The following BBS12 variants were observed in gnomAD, a reference collection of about 807,000 sequenced individuals.
The protein encoded by BBS12 is Bardet-Biedl syndrome 12.
A neutral mutation model predicts 5.6 loss-of-function variants in BBS12; 5 were observed. That is an observed-to-expected ratio of 0.89 (90% CI 0.46 to 1.86). BBS12 has a LOEUF of 1.86. Among genes scored for constraint, BBS12 ranks in the 40% most tolerant of loss-of-function variants. The pLI is 0.01. For synonymous variants in BBS12, 308 were observed against 306.8 expected, an observed-to-expected ratio of 1.00 and a Z score of -0.04; for missense variants, 748 against 830.4, an observed-to-expected ratio of 0.90 and a Z score of 1.22.
At chr4:122,719,989 A>G in the BBS12 span, among the ~76,000 whole-genome samples, 10 of 152,208 alleles carry the variant, frequency 6.6e-5, no homozygotes, top group South Asian at 2.1e-4. Flanking sequence ...AGAAAACTTA[A>G]TCTTCTTTGG....
At chr4:122,706,563 C>T in the BBS12 span, among the ~76,000 whole-genome samples, 1 of 152,016 alleles carries the variant, frequency 6.6e-6, no homozygotes. Flanking sequence ...TGGCAAGACC[C>T]CATCTCAGAA....
chr4:122,728,449 T>C (rs1035430351), upstream of BBS12: 1 of 152,250 alleles, frequency 6.6e-6, no homozygotes, highest in African/African-American at 2.4e-5. Context: ...TGTATACATA[T>C]GTATATGAAT....
In BBS12 at chr4:122,735,570, G is replaced by A. The variant is rs375723087; in HGVS notation, c.-11+2686G>A. ...AAATAGGAATCAAGTCAACTCCAAG[G>A]ATGGTTAAAACTTATATTCATGTTG... On this transcript the variant is annotated intron_variant, in intron 1 of 1. Transcript: ENST00000314218. Among the ~76,000 whole-genome samples the A allele has an allele frequency of 1.1e-4, 16 of 152,158 alleles. No homozygotes were observed. In the East Asian group the frequency reaches 1.7e-3, roughly 16 times the overall value.
At chr4:122,716,544 T>TAA in the BBS12 span, among the ~76,000 whole-genome samples, 1 of 147,684 alleles carries the variant, frequency 6.8e-6, no homozygotes, top group South Asian at 2.1e-4. Flanking sequence ...TATACATATG[T>TAA]GTATATATAC....
At chr4:122,703,659 T>G in the BBS12 span, among the ~76,000 whole-genome samples, 1 of 152,168 alleles carries the variant, frequency 6.6e-6, no homozygotes, top group East Asian at 1.9e-4. Context: ...CTGTTGGGCA[T>G]CCACTACCCA....
At chr4:122,701,156 TGAAAAC>T in the BBS12 span, among the ~76,000 whole-genome samples, 1 of 152,234 alleles carries the variant, frequency 6.6e-6, no homozygotes, top group Non-Finnish European at 1.5e-5. Context: ...TGGTAAAACA[TGAAAAC>T]AATCACATTT....
At chr4:122,727,544 A>ATT in the BBS12 span, among the ~76,000 whole-genome samples, 262 of 82,262 alleles carry the variant, frequency 3.2e-3, 11 homozygotes, top group Non-Finnish European at 4.0e-3. Context: ...CCCCTGGCCA[A>ATT]TTTTTTTTTT....
At chr4:122,740,942 G>A (rs1197651526) in intron 1 of BBS12, among the ~76,000 whole-genome samples, 1 of 152,138 alleles carries the variant, frequency 6.6e-6, no homozygotes, top group Non-Finnish European at 1.5e-5. Flanking sequence ...ATAACTTGCT[G>A]AGGGCTATAT....
At chr4:122,716,556 CAT>C in the BBS12 span, among the ~76,000 whole-genome samples, 3 of 148,626 alleles carry the variant, frequency 2.0e-5, no homozygotes, top group African/African-American at 5.0e-5. Flanking sequence ...TATATATACA[CAT>C]ATGTATATAT....
the BBS12 span, among the ~76,000 whole-genome samples, chr4:122,725,897 C>CAAA: frequency 2.4e-3 from 126 of 52,356 alleles, 2 homozygotes; most frequent in Middle Eastern, 0.014. Flanking sequence ...GACTCTGTCT[C>CAAA]AAAAAAAAAA....
At chr4:122,737,291 T>G (rs376877738) in intron 1 of BBS12, among the ~76,000 whole-genome samples, 1 of 152,130 alleles carries the variant, frequency 6.6e-6, no homozygotes, top group East Asian at 1.9e-4. Flanking sequence ...GAAGAGAGGG[T>G]GAATTACTAT....
intron 1 of BBS12, among the ~76,000 whole-genome samples, chr4:122,736,607 A>G (rs1800787252): frequency 6.6e-6 from 1 of 152,206 alleles, no homozygotes; most frequent in African/African-American, 2.4e-5. Flanking sequence ...TAAGCTGGCA[A>G]GTACTGAAAA....
the BBS12 span, among the ~76,000 whole-genome samples, chr4:122,718,961 A>G: frequency 6.6e-6 from 1 of 152,024 alleles, no homozygotes; most frequent in Non-Finnish European, 1.5e-5. Flanking sequence ...CTGGGACTAC[A>G]GGCGCCCACC....
chr4:122,716,003 TAA>T, the BBS12 span, among the ~76,000 whole-genome samples: 5 of 152,232 alleles, frequency 3.3e-5, no homozygotes, highest in African/African-American at 7.2e-5. Context: ...CCAAATTCAA[TAA>T]GTTTCACTTT....
the BBS12 span, among the ~76,000 whole-genome samples, chr4:122,718,723 TGAA>T: frequency 7.5e-6 from 1 of 133,206 alleles, no homozygotes; most frequent in East Asian, 2.0e-4. Flanking sequence ...TGAAATGAAA[TGAA>T]ATGAAATGAA....
At chr4:122,707,033 A>G in the BBS12 span, among the ~76,000 whole-genome samples, 2 of 87,066 alleles carry the variant, frequency 2.3e-5, no homozygotes, top group Non-Finnish European at 4.5e-5. Flanking sequence ...AACTGTATTC[A>G]TTTTGTCTCT....
the BBS12 span, among the ~76,000 whole-genome samples, chr4:122,707,283 G>A: frequency 1.1e-5 from 1 of 89,822 alleles, no homozygotes; most frequent in East Asian, 5.9e-4. Context: ...TCCTAAAAGA[G>A]ATCATGTAAA....
the BBS12 span, among the ~76,000 whole-genome samples, chr4:122,710,705 T>G: frequency 7.4e-6 from 1 of 135,022 alleles, no homozygotes; most frequent in African/African-American, 3.8e-5. Context: ...ATTTGTGCGT[T>G]TTTTTTTTTA....
At position 122,744,131 on chromosome 4, in the gene BBS12, G is replaced by A. The variant is rs920651826; in HGVS notation, c.*106G>A. ...TGCCTAAAATGCCAGCTATTGCCAA[G>A]AAGAAAATAGTTGATGTCTGTCAAT... On this transcript the variant is annotated 3_prime_UTR_variant, in exon 2 of 2. Coordinates refer to ENST00000314218, the MANE Select transcript of BBS12 (RefSeq NM_152618.3). The A allele has an allele frequency of 4.3e-6, 5 of 1,157,264 alleles. No homozygotes were observed. The highest frequency in any genetic ancestry group is 6.4e-6 in the Non-Finnish European group (5 of 784,610). 71.7% of individuals were successfully genotyped at this position (1,157,264 alleles called of 1,614,324 possible). A position where few individuals can be genotyped will look rare whatever the true frequency, so the allele number is the denominator to read the frequency against.
Sources: allele counts gnomAD v4.1 joint callset (sites outside exome capture counted in the v4.1 genomes callset), GRCh38; gene constraint gnomAD v4.1.1; transcripts MANE v1.5; gene names NCBI Gene and HGNC (gene_info 2026-07-23, HGNC 2026-07-21).